Variants in AFF3 observed in about 807,000 individuals in gnomAD.
AFF3 encodes the protein AF4/FMR2 family member 3.
In AFF3, 32 loss-of-function variants were observed where a neutral mutation model predicts 129.7. The ratio of observed to expected loss-of-function variants is 0.25; its 90% CI spans 0.19 to 0.33. The LOEUF (loss-of-function observed/expected upper bound fraction) is 0.33, where lower values mean the gene tolerates loss of function less well. Ranked by LOEUF, AFF3 falls within the 10% of genes least tolerant of loss-of-function variation. The pLI is 1.00. For missense variants in AFF3, 1,373 were observed against 1,592.0 expected (o/e 0.86, Z 2.34); for synonymous variants, 644 against 635.4 (o/e 1.01, Z -0.20).
chr2:100,026,965 C>A (rs1022857808), intron 4 of AFF3, among the ~76,000 whole-genome samples: 1 of 151,880 alleles, frequency 6.6e-6, no homozygotes. Flanking sequence ...TAAAAGACTA[C>A]AAATAGGGTA....
At chr2:100,064,082 T>C (rs1420515262) in intron 4 of AFF3, among the ~76,000 whole-genome samples, 6 of 135,790 alleles carry the variant, frequency 4.4e-5, no homozygotes, top group African/African-American at 1.7e-4. Context: ...AGAACAAAAC[T>C]CCGTCTCAAA....
At chr2:99,602,093 C>T (rs1679891538) in intron 13 of AFF3, among the ~76,000 whole-genome samples, 2 of 152,204 alleles carry the variant, frequency 1.3e-5, no homozygotes, top group Admixed American at 1.3e-4. Context: ...AGGCAGAGGG[C>T]TGTCAGGAAG....
chr2:99,849,338 C>G (rs974453508), intron 7 of AFF3, among the ~76,000 whole-genome samples: 12 of 152,136 alleles, frequency 7.9e-5, no homozygotes, highest in African/African-American at 2.9e-4. Flanking sequence ...AGCAAATGTC[C>G]TAGCTCTTCC....
At chr2:99,632,432 G>C (rs1165817622) in intron 13 of AFF3, among the ~76,000 whole-genome samples, 1 of 152,222 alleles carries the variant, frequency 6.6e-6, no homozygotes, top group East Asian at 1.9e-4. Context: ...ACACTTTTAA[G>C]AGTGAAGGAG....
chr2:99,653,168 AACTCCCT>A (rs1244418281), intron 12 of AFF3, among the ~76,000 whole-genome samples: 2 of 152,158 alleles, frequency 1.3e-5, no homozygotes, highest in African/African-American at 4.8e-5. Context: ...AACTTAATTT[AACTCCCT>A]ACTCCTGACT....
At chr2:99,993,692 T>C (rs1680564834) in intron 7 of AFF3, among the ~76,000 whole-genome samples, 1 of 147,236 alleles carries the variant, frequency 6.8e-6, no homozygotes, top group Non-Finnish European at 1.5e-5. Context: ...GAGAAACTAA[T>C]AGATATGAAA....
intron 7 of AFF3, among the ~76,000 whole-genome samples, chr2:99,947,215 C>T (rs1229029492): frequency 1.3e-5 from 2 of 152,012 alleles, no homozygotes; most frequent in African/African-American, 4.8e-5. Flanking sequence ...CTGTGGTGGG[C>T]AGATCACTTG....
At position 99,665,738 on chromosome 2, in the gene AFF3, C is replaced by T. The variant is rs147371085; in HGVS notation, c.1143+6800G>A. On this transcript the variant is annotated intron_variant, in intron 12 of 24. Transcript: ENST00000672756. Reference sequence around the variant, plus strand: ...GAGAGCAGACATGGAGAAGAAAAGTCAGGAATAAACATGGAAAGTTTCCAA... The same window carrying T: ...GAGAGCAGACATGGAGAAGAAAAGTTAGGAATAAACATGGAAAGTTTCCAA... Among the ~76,000 whole-genome samples, 20 of 152,266 alleles carry T rather than the reference C, an allele frequency of 1.3e-4. 2 individuals carry two copies. The East Asian group carries it at 3.9e-3, about 29-fold the overall frequency.
At chr2:99,976,935 G>T (rs1678952354) in intron 7 of AFF3, among the ~76,000 whole-genome samples, 1 of 151,970 alleles carries the variant, frequency 6.6e-6, no homozygotes, top group Non-Finnish European at 1.5e-5. Context: ...AGCCAATTTA[G>T]TATTGGTTTT....
intron 7 of AFF3, among the ~76,000 whole-genome samples, chr2:99,960,667 C>T (rs1677124175): frequency 6.6e-6 from 1 of 152,180 alleles, no homozygotes; most frequent in African/African-American, 2.4e-5. Flanking sequence ...TCTTTGCCTC[C>T]CTCTCCTGTC....
chr2:99,673,039 AAAG>A (rs1399233126), intron 11 of AFF3, among the ~76,000 whole-genome samples: 3 of 152,056 alleles, frequency 2.0e-5, no homozygotes, highest in African/African-American at 7.3e-5. Flanking sequence ...TAGCAATAAA[AAAG>A]AAGATGCTTT....
chr2:99,797,843 C>T (rs991080204), intron 8 of AFF3, among the ~76,000 whole-genome samples: 9 of 152,040 alleles, frequency 5.9e-5, no homozygotes, highest in African/African-American at 2.2e-4. Flanking sequence ...AAAATACAGA[C>T]ATTTTCAGAT....
At position 99,587,250 on chromosome 2, in the gene AFF3, A is replaced by G; in HGVS notation, c.2495T>C (p.Ile832Thr). Residue 832 changes from isoleucine to threonine, a missense_variant, in exon 16 of 25, where the codon ATC becomes ACC. Transcript: ENST00000672756. The stretch of plus-strand genomic sequence containing the variant: ...GTCTTTCTCTCCCTGGGACTTCTTG[A>G]TCTCCCTGTAGTCGTCTTCGTTGTC... The part of the protein sequence containing the change: ...KCDNEDDYRE[I>T]KKSQGEKDSS... The G allele has an allele frequency of 6.2e-7, 1 of 1,614,074 alleles. No homozygotes were observed. Among genetic ancestry groups the G allele is most frequent in the Non-Finnish European group, 8.5e-7 (1 of 1,180,002 alleles).
intron 8 of AFF3, among the ~76,000 whole-genome samples, chr2:99,774,535 C>T (rs113124154): frequency 0.069 from 10,415 of 152,020 alleles, 672 homozygotes; most frequent in Non-Finnish European, 0.095. Context: ...AACTGACTAG[C>T]GATATGCAGA....
intron 13 of AFF3, among the ~76,000 whole-genome samples, chr2:99,611,340 T>TTGG (rs1393995878): frequency 1.3e-5 from 2 of 152,316 alleles, no homozygotes; most frequent in African/African-American, 4.8e-5. Flanking sequence ...AAGTTGAGAT[T>TTGG]TTCCAGGTTC....
chr2:99,652,912 C>A (rs959870570), intron 12 of AFF3, among the ~76,000 whole-genome samples: 2 of 152,166 alleles, frequency 1.3e-5, no homozygotes, highest in Non-Finnish European at 2.9e-5. Context: ...ATAAGGAGAG[C>A]TGAGGGAGCA....
intron 8 of AFF3, among the ~76,000 whole-genome samples, chr2:99,801,927 C>T (rs1373915848): frequency 6.6e-6 from 1 of 152,120 alleles, no homozygotes; most frequent in Non-Finnish European, 1.5e-5. Context: ...GAACTATTTC[C>T]TTTGTTAAAT....
Position 99,568,914 on chromosome 2 carries a change from G to T in AFF3, c.2920C>A (p.Pro974Thr). The T allele has an allele frequency of 6.2e-7, 1 of 1,613,870 alleles. No homozygotes were observed. Among genetic ancestry groups the T allele is most frequent in the Non-Finnish European group, 8.5e-7 (1 of 1,179,800 alleles). Residue 974 changes from proline (P) to threonine (T), a missense_variant and splice_region_variant, in exon 19 of 25, where the codon CCT becomes ACT. Physicochemically the swap from Pro to Thr is conservative, Grantham distance 38. Coordinates refer to ENST00000672756, the MANE Select transcript of AFF3 (RefSeq NM_001386135.1). ...KRQKLVFDDM[P>T]RSADYFMQEA... is the part of the protein sequence containing the mutation. ...TGCATAAAATAATCGGCACTGCGAG[G>T]CCTACAAGGAGAGAATGATATTAAA...
In AFF3 at chr2:99,806,620, A is replaced by C. The variant is rs190125272; in HGVS notation, c.921+30857T>G. Among the ~76,000 whole-genome samples the C allele has an allele frequency of 2.9e-4, 44 of 152,276 alleles. 1 individual carries two copies. The highest frequency in any genetic ancestry group is 1.7e-3 in the South Asian group (8 of 4,826). On this transcript the variant is annotated intron_variant, in intron 8 of 24. Transcript: ENST00000672756. ...GACAGAGCAAGTAACTTAGAACAAC[A>C]CTGATTCTGCAGAACCTGGACTAGC...
Sources: gnomAD v4.1 joint callset for allele counts (sites outside exome capture counted in the v4.1 genomes callset) on GRCh38, gnomAD v4.1.1 for gene constraint, MANE v1.5 for transcripts, NCBI Gene and HGNC (gene_info 2026-07-23, HGNC 2026-07-21) for gene names.